Variants in DNAJC3 observed in about 807,000 individuals in gnomAD.
DNAJC3 encodes the protein DnaJ heat shock protein family (Hsp40) member C3.
DNAJC3 carries 38 observed loss-of-function variants against 68.6 expected under a neutral mutation model. That is an observed-to-expected ratio of 0.55 (90% CI 0.43 to 0.73). The LOEUF (loss-of-function observed/expected upper bound fraction) is 0.73. Among genes scored for constraint, DNAJC3 ranks in the 30% least tolerant of loss-of-function variants. The pLI, the probability that DNAJC3 is intolerant of heterozygous loss-of-function variation, is 0.00. For missense variants in DNAJC3, 526 were observed against 591.9 expected (o/e 0.89, Z 1.16); for synonymous variants, 203 against 204.0 (o/e 1.00, Z 0.04).
intron 4 of DNAJC3, among the ~76,000 whole-genome samples, chr13:95,735,651 C>T (rs1344131317): frequency 6.7e-6 from 1 of 150,130 alleles, no homozygotes; most frequent in African/African-American, 2.5e-5. Context: ...GTCCTTCGCC[C>T]ACTTTTTGAT....
chr13:95,720,718 C>T (rs1881294692), intron 2 of DNAJC3, among the ~76,000 whole-genome samples: 1 of 152,050 alleles, frequency 6.6e-6, no homozygotes, highest in Admixed American at 6.6e-5. Context: ...TTTTGCTGTC[C>T]TGTCCTTGCC....
intron 1 of DNAJC3, among the ~76,000 whole-genome samples, chr13:95,699,449 A>G (rs750190372): frequency 1.3e-5 from 2 of 152,148 alleles, no homozygotes; most frequent in Non-Finnish European, 2.9e-5. Flanking sequence ...GCTTCCCTTT[A>G]GATTTCAGGT....
At chr13:95,758,734 C>T (rs953799029) in intron 5 of DNAJC3, among the ~76,000 whole-genome samples, 1 of 152,060 alleles carries the variant, frequency 6.6e-6, no homozygotes, top group East Asian at 1.9e-4. Context: ...AACTGATTTC[C>T]GAAGGAAGTC....
intron 1 of DNAJC3, among the ~76,000 whole-genome samples, chr13:95,702,041 T>C (rs1176082594): frequency 6.6e-6 from 1 of 152,210 alleles, no homozygotes; most frequent in Non-Finnish European, 1.5e-5. Context: ...TTTAAAAAAA[T>C]ACATTTCAAG....
Position 95,694,766 on chromosome 13 carries a change from T to A in DNAJC3, c.83-14461T>A, listed in dbSNP as rs866123473. 27 of 152,780 alleles carry A rather than the reference T, an allele frequency of 1.8e-4. 2 individuals are homozygous for A. In the South Asian group the frequency reaches 2.7e-3, roughly 15 times the overall value. The allele number at this position is 152,780 out of a possible 1,614,324, so 9.5% of individuals were successfully genotyped here. ...ACACCTTAACTGCTTTCTCTTCAGT[T>A]GCCCATATCAACCGAGTTGTAAACT... On this transcript the variant is annotated intron_variant, in intron 1 of 11. Transcript: ENST00000602402.
intron 9 of DNAJC3, among the ~76,000 whole-genome samples, chr13:95,767,783 G>A (rs941067815): frequency 6.0e-5 from 9 of 150,116 alleles, no homozygotes; most frequent in African/African-American, 2.2e-4. Context: ...TCCATCTCCT[G>A]GGTTCAGCTG....
chr13:95,759,054 T>C (rs904963910), intron 5 of DNAJC3, among the ~76,000 whole-genome samples: 2 of 152,204 alleles, frequency 1.3e-5, no homozygotes, highest in African/African-American at 2.4e-5. Flanking sequence ...TTTTTGTATA[T>C]GTGAAAAGTC....
intron 7 of DNAJC3, among the ~76,000 whole-genome samples, chr13:95,761,640 C>A (rs892916304): frequency 6.6e-6 from 1 of 152,214 alleles, no homozygotes; most frequent in Admixed American, 6.5e-5. Context: ...CTTATAGCCA[C>A]ACCTACTTCC....
At chr13:95,697,750 TCTGA>T (rs1008545118) in intron 1 of DNAJC3, among the ~76,000 whole-genome samples, 7 of 151,810 alleles carry the variant, frequency 4.6e-5, no homozygotes, top group Non-Finnish European at 1.0e-4. Flanking sequence ...TTTTTTTTTG[TCTGA>T]CTGGGTAATT....
At chr13:95,724,874 A>G (rs1396118158) in intron 3 of DNAJC3, among the ~76,000 whole-genome samples, 3 of 152,286 alleles carry the variant, frequency 2.0e-5, no homozygotes, top group Admixed American at 6.5e-5. Flanking sequence ...ATATTGATTT[A>G]GTTGATGGGA....
intron 1 of DNAJC3, among the ~76,000 whole-genome samples, chr13:95,697,980 A>C (rs1280397513): frequency 2.6e-5 from 4 of 151,950 alleles, no homozygotes; most frequent in Non-Finnish European, 5.9e-5. Context: ...AAGCCAGTGC[A>C]GTCTTTTTGG....
intron 4 of DNAJC3, among the ~76,000 whole-genome samples, chr13:95,757,197 C>G (rs1882687851): frequency 6.6e-6 from 1 of 151,876 alleles, no homozygotes; most frequent in African/African-American, 2.4e-5. Context: ...AAAAAGCTGG[C>G]CCCTTCTTTC....
intron 4 of DNAJC3, among the ~76,000 whole-genome samples, chr13:95,753,622 A>G (rs903743686): frequency 2.0e-4 from 31 of 152,234 alleles, no homozygotes; most frequent in African/African-American, 7.0e-4. Context: ...TTGAATTCAG[A>G]GAAGTCAAAG....
At chr13:95,716,146 ACT>A (rs1373438874) in intron 2 of DNAJC3, among the ~76,000 whole-genome samples, 8 of 152,070 alleles carry the variant, frequency 5.3e-5, no homozygotes, top group Admixed American at 1.3e-4. Flanking sequence ...CGAGAGTGAG[ACT>A]CTGCCTCAAA....
chr13:95,760,479 T>C (rs1056306349), intron 6 of DNAJC3, among the ~76,000 whole-genome samples, 200 bp from the exon 7 acceptor site: 1 of 152,254 alleles, frequency 6.6e-6, no homozygotes, highest in Non-Finnish European at 1.5e-5. Context: ...TATATAATGC[T>C]AGTAAGTCAT....
intron 4 of DNAJC3, among the ~76,000 whole-genome samples, chr13:95,737,578 A>C (rs1881968124): frequency 6.6e-6 from 1 of 151,780 alleles, no homozygotes. Context: ...GAATTTATCC[A>C]TTTCTTCTAG....
intron 4 of DNAJC3, among the ~76,000 whole-genome samples, chr13:95,738,496 T>C (rs1281957889): frequency 6.6e-6 from 1 of 152,104 alleles, no homozygotes; most frequent in Non-Finnish European, 1.5e-5. Flanking sequence ...GCTTTATGAA[T>C]CTAGTTGCTC....
At chr13:95,710,825 T>C (rs1261709922) in intron 2 of DNAJC3, among the ~76,000 whole-genome samples, 1 of 152,178 alleles carries the variant, frequency 6.6e-6, no homozygotes, top group Non-Finnish European at 1.5e-5. Context: ...TAGCTAGGAC[T>C]ACAGCTGCAT....
intron 2 of DNAJC3, among the ~76,000 whole-genome samples, chr13:95,716,116 C>G (rs1468196134): frequency 6.6e-6 from 1 of 152,008 alleles, no homozygotes; most frequent in Admixed American, 6.6e-5. Context: ...TGAGATCATG[C>G]CATTGTACTC....
Sources: gnomAD v4.1 joint callset for allele counts (sites outside exome capture counted in the v4.1 genomes callset) on GRCh38, gnomAD v4.1.1 for gene constraint, MANE v1.5 for transcripts, NCBI Gene and HGNC (gene_info 2026-07-23, HGNC 2026-07-21) for gene names.